The following PJA2 variants were observed in gnomAD, a reference collection of about 807,000 sequenced individuals.
PJA2 encodes the protein praja ring finger ubiquitin ligase 2.
In PJA2, 25 loss-of-function variants were observed where a neutral mutation model predicts 69.3. That is an observed-to-expected ratio of 0.36 (90% CI 0.26 to 0.50). PJA2 has a LOEUF of 0.50. Ranked by LOEUF, PJA2 falls within the 20% of genes least tolerant of loss-of-function variation. The pLI is 0.96. For synonymous variants in PJA2, 308 were observed against 277.8 expected (o/e 1.11, Z -1.08); for missense variants, 809 against 830.2 (o/e 0.97, Z 0.31).
intron 6 of PJA2, among the ~76,000 whole-genome samples, chr5:109,360,260 T>C (rs1404291408): frequency 6.6e-6 from 1 of 152,210 alleles, no homozygotes; most frequent in African/African-American, 2.4e-5. Context: ...ATGGTAGAGT[T>C]GGGATTTGTC....
intron 1 of PJA2, among the ~76,000 whole-genome samples, chr5:109,397,335 T>C (rs1437405231): frequency 6.6e-6 from 1 of 152,118 alleles, no homozygotes; most frequent in Non-Finnish European, 1.5e-5. Context: ...GTCACTACAG[T>C]AAACAGCTAT....
intron 9 of PJA2, 44 bp downstream of exon 9, chr5:109,344,146 C>T: frequency 2.7e-6 from 3 of 1,120,670 alleles, no homozygotes; most frequent in Non-Finnish European, 3.7e-6. Flanking sequence ...TTGCAGAAGA[C>T]ACTATTAAAG....
At chr5:109,387,575 T>A (rs1026367416) in intron 1 of PJA2, among the ~76,000 whole-genome samples, 1 of 152,212 alleles carries the variant, frequency 6.6e-6, no homozygotes, top group Non-Finnish European at 1.5e-5. Context: ...AATTCGGGGT[T>A]TTTACATACT....
chr5:109,338,960 C>T lies in PJA2; in HGVS notation c.2002-1604G>A, dbSNP rs556907584. Among the ~76,000 whole-genome samples, 69 of 152,264 alleles carry T rather than the reference C, an allele frequency of 4.5e-4. No individual in the cohort carries two copies. The East Asian group carries it at 6.6e-3, about 14-fold the overall frequency. The stretch of plus-strand genomic sequence containing the variant: ...TGAAGCTATCATGGGAATTTAAAGA[C>T]GGCATTTATTAAGGACAGAAAAGGT... On this transcript the variant is annotated intron_variant, in intron 9 of 9. Coordinates refer to ENST00000361189, the MANE Select transcript of PJA2 (RefSeq NM_014819.5).
chr5:109,340,407 G>A (rs1427047287), intron 9 of PJA2, among the ~76,000 whole-genome samples: 1 of 151,748 alleles, frequency 6.6e-6, no homozygotes, highest in Non-Finnish European at 1.5e-5. Context: ...GGAAGGAAAG[G>A]AATGGGAAAA....
At chr5:109,340,631 C>T (rs552451369) in intron 9 of PJA2, among the ~76,000 whole-genome samples, 2,442 of 5,114 alleles carry the variant, frequency 0.48, 905 homozygotes, top group African/African-American at 0.7. Flanking sequence ...TCCCCCTCCC[C>T]CTCCCCCTCC....
chr5:109,409,591 G>A (rs1582638395), intron 1 of PJA2, among the ~76,000 whole-genome samples: 1 of 152,130 alleles, frequency 6.6e-6, no homozygotes, highest in Admixed American at 6.5e-5. Context: ...GGGGGGCGGC[G>A]GGCGCGACCG....
At chr5:109,347,642 T>G (rs534409787) in intron 7 of PJA2, among the ~76,000 whole-genome samples, 54 of 152,262 alleles carry the variant, frequency 3.5e-4, no homozygotes, top group African/African-American at 1.2e-3. Flanking sequence ...AAGGCAAATT[T>G]CCAGCAAGTT....
intron 4 of PJA2, among the ~76,000 whole-genome samples, chr5:109,375,624 T>C (rs1746847316): frequency 6.6e-6 from 1 of 152,198 alleles, no homozygotes; most frequent in African/African-American, 2.4e-5. Flanking sequence ...TTCAAGTATA[T>C]CAACTTTTTA....
chr5:109,354,581 TA>T, intron 7 of PJA2, among the ~76,000 whole-genome samples: 1 of 134,344 alleles, frequency 7.4e-6, no homozygotes, highest in East Asian at 2.1e-4. Flanking sequence ...TATCTATAGA[TA>T]TCTATATCGA....
rs1047974791 is a variant in PJA2 at position 109,352,616 on chromosome 5, T to C, written c.1764+3299A>G. 3.3e-5 allele frequency among the ~76,000 whole-genome samples: 5 copies of C among 152,110 alleles called. No individual in the cohort carries two copies. The East Asian group carries it at 7.7e-4, about 23-fold the overall frequency. On this transcript the variant is annotated intron_variant, in intron 7 of 9. Coordinates refer to ENST00000361189, the MANE Select transcript of PJA2 (RefSeq NM_014819.5). ...TTCCTAGTATAGAGTATTTCTGCTA[T>C]GGTTACTTTGAGAAAAACACTCACC...
intron 9 of PJA2, among the ~76,000 whole-genome samples, chr5:109,341,859 G>A (rs1332894495): frequency 2.6e-4 from 24 of 92,254 alleles, no homozygotes; most frequent in Non-Finnish European, 3.9e-4. Context: ...CAGCCGCCCC[G>A]TCCGGGAGGG....
At chr5:109,347,465 T>C (rs1285423053) in intron 7 of PJA2, among the ~76,000 whole-genome samples, 2 of 152,236 alleles carry the variant, frequency 1.3e-5, no homozygotes, top group Non-Finnish European at 2.9e-5. Context: ...TGCCTGGCTC[T>C]TGAAGCACAT....
intron 7 of PJA2, among the ~76,000 whole-genome samples, chr5:109,353,226 A>T (rs1762300638): frequency 7.0e-6 from 1 of 142,664 alleles, no homozygotes; most frequent in Non-Finnish European, 1.5e-5. Context: ...ATATCTATAT[A>T]TTAGATACCT....
chr5:109,337,467 A>C, intron 9 of PJA2, 111 bp from the exon 10 acceptor site: 1 of 1,245,462 alleles, frequency 8.0e-7, no homozygotes, highest in Non-Finnish European at 1.1e-6. Context: ...TCTTAACAAC[A>C]AAAAACAAAC....
intron 1 of PJA2, among the ~76,000 whole-genome samples, chr5:109,389,366 G>A (rs1366624477): frequency 6.6e-6 from 1 of 152,030 alleles, no homozygotes; most frequent in Non-Finnish European, 1.5e-5. Context: ...TTATATGTCA[G>A]CTGACTAAAC....
intron 9 of PJA2, among the ~76,000 whole-genome samples, chr5:109,341,715 G>T (rs757739710): frequency 2.0e-4 from 4 of 19,900 alleles, no homozygotes; most frequent in African/African-American, 4.9e-4. Context: ...CTGCCTGGCC[G>T]CCCCTACTGG....
Position 109,370,473 on chromosome 5 carries a change from A to T in PJA2, c.1284-1727T>A, listed in dbSNP as rs1762658854. Reference sequence around the variant, plus strand: ...TTACTAGAAGCAAAGATATAAAATCAACTGCCAATTTCCAGTAAGCAATGG... The same window carrying T: ...TTACTAGAAGCAAAGATATAAAATCTACTGCCAATTTCCAGTAAGCAATGG... On this transcript the variant is annotated intron_variant, in intron 4 of 9. Transcript: ENST00000361189. 2.0e-5 allele frequency among the ~76,000 whole-genome samples: 3 copies of T among 152,332 alleles called. No homozygotes were observed. The South Asian group carries it at 6.2e-4, about 32-fold the overall frequency.
chr5:109,350,485 A>G (rs1762232616), intron 7 of PJA2, among the ~76,000 whole-genome samples: 1 of 152,230 alleles, frequency 6.6e-6, no homozygotes, highest in South Asian at 2.1e-4. Flanking sequence ...GAAGATAGTA[A>G]TACCGATTCT....
Sources: allele counts gnomAD v4.1 joint callset (sites outside exome capture counted in the v4.1 genomes callset), GRCh38; gene constraint gnomAD v4.1.1; transcripts MANE v1.5; gene names NCBI Gene and HGNC (gene_info 2026-07-23, HGNC 2026-07-21).